USH2A: variants seen among roughly 807,000 people sequenced by gnomAD.
USH2A encodes the protein usherin.
Under a neutral mutation model 538.9 loss-of-function variants are expected in USH2A, and 443 were observed. The observed-to-expected ratio is 0.82, with a 90% CI of 0.76 to 0.89. The LOEUF (loss-of-function observed/expected upper bound fraction) is 0.89. USH2A is among the 40% of genes least tolerant of loss of function. The pLI, the probability that USH2A is intolerant of heterozygous loss-of-function variation, is 0.00. For missense variants in USH2A, 6,633 were observed against 6,324.8 expected (o/e 1.05, Z -1.65); for synonymous variants, 2,413 against 2,273.5 (o/e 1.06, Z -1.75).
chr1:215,943,648 T>C (rs553574673), intron 37 of USH2A, among the ~76,000 whole-genome samples: 6 of 152,294 alleles, frequency 3.9e-5, no homozygotes, highest in African/African-American at 1.4e-4. Context: ...CACAGTCAAC[T>C]AAGGATTATT....
At chr1:216,289,550 T>A (rs1488932457) in intron 10 of USH2A, 140 bp from the exon 11 acceptor site, 2 of 1,129,082 alleles carry the variant, frequency 1.8e-6, no homozygotes, top group Non-Finnish European at 2.6e-6. Context: ...CATCTCTACC[T>A]GCCAATTTAG....
chr1:215,969,591 A>C (rs952624797), intron 36 of USH2A, among the ~76,000 whole-genome samples: 1 of 149,690 alleles, frequency 6.7e-6, no homozygotes, highest in Non-Finnish European at 1.5e-5. Flanking sequence ...GCCTATTGCC[A>C]TTCCTGCATT....
chr1:216,363,360 C>A (rs1040942711), intron 4 of USH2A, among the ~76,000 whole-genome samples: 1 of 152,006 alleles, frequency 6.6e-6, no homozygotes, highest in Non-Finnish European at 1.5e-5. Context: ...TTATGATCAT[C>A]ATCATCATCA....
chr1:216,359,415 AAC>A (rs1321551241), intron 4 of USH2A, among the ~76,000 whole-genome samples: 3 of 152,078 alleles, frequency 2.0e-5, no homozygotes, highest in African/African-American at 7.2e-5. Context: ...TTATATATTA[AAC>A]CACCATTTAA....
intron 47 of USH2A, among the ~76,000 whole-genome samples, chr1:215,823,751 C>G (rs772360818): frequency 6.6e-6 from 1 of 151,802 alleles, no homozygotes; most frequent in Non-Finnish European, 1.5e-5. Context: ...ATCCCCACCT[C>G]TCTGTATTTT....
chr1:215,977,023 G>A (rs1667634530), intron 35 of USH2A, among the ~76,000 whole-genome samples: 1 of 150,638 alleles, frequency 6.6e-6, no homozygotes, highest in Middle Eastern at 3.2e-3. Context: ...GGTAGGGGAG[G>A]CAGTTCCTAC....
intron 22 of USH2A, among the ~76,000 whole-genome samples, chr1:216,090,711 A>T (rs191271924): frequency 6.6e-6 from 1 of 152,246 alleles, no homozygotes; most frequent in Admixed American, 6.5e-5. Context: ...TGTCGTGCCC[A>T]ATTAATGTGC....
intron 8 of USH2A, among the ~76,000 whole-genome samples, chr1:216,323,245 A>AAT (rs1002059969): frequency 3.7e-4 from 54 of 144,224 alleles, no homozygotes; most frequent in African/African-American, 1.3e-3. Context: ...TGTATATATA[A>AAT]ATATATATAT....
At chr1:215,818,483 T>A (rs905416989) in intron 47 of USH2A, among the ~76,000 whole-genome samples, 1 of 151,822 alleles carries the variant, frequency 6.6e-6, no homozygotes, top group African/African-American at 2.4e-5. Flanking sequence ...AAGATTCCCG[T>A]AAGAAATATG....
chr1:216,016,016 A>G lies in USH2A; in HGVS notation c.6326-15454T>C, dbSNP rs555544179. On this transcript the variant is annotated intron_variant, in intron 32 of 71. Coordinates refer to ENST00000307340, the MANE Select transcript of USH2A (RefSeq NM_206933.4). ...CACCATGGAATACTATGTAGCCATA[A>G]AAAAGGATGAGTTCATGTCCTTTGC... Among the ~76,000 whole-genome samples, 36 of 152,262 alleles carry G rather than the reference A, an allele frequency of 2.4e-4. 1 individual carries two copies. In the East Asian group the frequency reaches 6.6e-3, roughly 28 times the overall value.
chr1:215,832,354 T>C (rs1331273795), intron 47 of USH2A, among the ~76,000 whole-genome samples: 1 of 151,950 alleles, frequency 6.6e-6, no homozygotes, highest in African/African-American at 2.4e-5. Flanking sequence ...CAGTCCAATA[T>C]ATTTTATGAA....
intron 4 of USH2A, among the ~76,000 whole-genome samples, chr1:216,360,190 A>C (rs2038464790): frequency 6.6e-6 from 1 of 152,116 alleles, no homozygotes; most frequent in Admixed American, 6.6e-5. Context: ...GAATAAATCA[A>C]CTATGCTATA....
At chr1:216,246,439 T>C (rs1018672763) in intron 13 of USH2A, 146 bp downstream of exon 13, 1 of 962,212 alleles carries the variant, frequency 1.0e-6, no homozygotes, top group African/African-American at 1.7e-5. Flanking sequence ...TAAATAGTTA[T>C]ATATGTGTTG....
chr1:215,727,871 G>A, intron 61 of USH2A, among the ~76,000 whole-genome samples, 159 bp downstream of exon 61: 1 of 152,146 alleles, frequency 6.6e-6, no homozygotes, highest in East Asian at 1.9e-4. Context: ...ACTCAGTTCA[G>A]TATCTTATCC....
Position 215,634,626 on chromosome 1 carries a change from T to A in USH2A, c.15130A>T (p.Ile5044Leu), listed in dbSNP as rs761307028. ...STEFYSELWF[I>L]VLMAMLGLIL... is the part of the protein sequence containing the mutation. ...AAGCCCAGCATCGCCATTAACACTA[T>A]GAACCACAGCTCGCTGTAGAACTCT... The change falls in exon 70 of 72, where the codon ATA (isoleucine) becomes TTA (leucine). Residue 5044 changes from isoleucine (I) to leucine (L), a missense_variant. Ile to Leu is a conservative substitution (Grantham distance 5). Coordinates refer to ENST00000307340, the MANE Select transcript of USH2A (RefSeq NM_206933.4). 5.6e-6 allele frequency: 9 copies of A among 1,614,112 alleles called. No individual in the cohort carries two copies. The highest frequency in any genetic ancestry group is 2.2e-5 in the South Asian group (2 of 91,092).
Position 216,355,378 on chromosome 1 carries a change from G to GAAAGAAAGAAA in USH2A, c.784+9574_784+9575insTTTCTTTCTTT, listed in dbSNP as rs1191084342. ...AAGAAAGAAAGAAAGAAAGAAAGAAGGAAAGAAACATATAGTATACAAGAA... is the reference window on the plus strand; with the variant it reads ...AAGAAAGAAAGAAAGAAAGAAAGAAGAAAGAAAGAAAGAAAGAAACATATAGTATACAAGAA... On this transcript the variant is annotated intron_variant, in intron 4 of 71. Transcript: ENST00000307340. 5.6e-3 allele frequency among the ~76,000 whole-genome samples: 635 copies of GAAAGAAAGAAA among 112,888 alleles called. 23 individuals are homozygous for GAAAGAAAGAAA. Among genetic ancestry groups the GAAAGAAAGAAA allele is most frequent in the African/African-American group, 0.014 (400 of 29,040 alleles). 74.1% of individuals were successfully genotyped at this position (112,888 alleles called of 152,430 possible).
chr1:215,782,853 C>A lies in USH2A; in HGVS notation c.10470G>T (p.Val3490=), dbSNP rs201401001. Residue 3490 remains valine, a synonymous_variant, in exon 53 of 72, where the codon GTG becomes GTT. Transcript: ENST00000307340. ...GCACATCTTCTTTTGTTCTGGCTCT[C>A]ACAGCTTTGCTGAGTCCTCGCCCAT... ...NSYGRGLSKA[V]RARTKEDVPQ... is the part of the protein sequence containing the mutation. The A allele has an allele frequency of 6.0e-4, 961 of 1,613,932 alleles. 2 individuals are homozygous for A. Among genetic ancestry groups the A allele is most frequent in the Non-Finnish European group, 7.5e-4 (882 of 1,179,926 alleles).
At chr1:216,253,151 C>CT (rs55786784) in intron 11 of USH2A, among the ~76,000 whole-genome samples, 2,887 of 138,882 alleles carry the variant, frequency 0.021, 53 homozygotes, top group Admixed American at 0.054. Context: ...GTTATTTTTT[C>CT]TTTTTTTTTT....
At chr1:216,319,136 C>T (rs1344040996) in intron 9 of USH2A, among the ~76,000 whole-genome samples, 1 of 152,074 alleles carries the variant, frequency 6.6e-6, no homozygotes, top group Non-Finnish European at 1.5e-5. Flanking sequence ...AAATTCATCC[C>T]AAAGCATTTT....
Sources: allele counts gnomAD v4.1 joint callset (sites outside exome capture counted in the v4.1 genomes callset), GRCh38; gene constraint gnomAD v4.1.1; transcripts MANE v1.5; gene names NCBI Gene and HGNC (gene_info 2026-07-23, HGNC 2026-07-21).